Variants in RASGRF2 observed in about 807,000 individuals in gnomAD.
RASGRF2 encodes the protein ras-specific guanine nucleotide-releasing factor 2.
Under a neutral mutation model 151.0 loss-of-function variants are expected in RASGRF2, and 76 were observed. The observed-to-expected ratio is 0.50, with a 90% CI of 0.42 to 0.61. The LOEUF (loss-of-function observed/expected upper bound fraction) is 0.61, where lower values mean the gene tolerates loss of function less well. Among genes scored for constraint, RASGRF2 ranks in the 20% least tolerant of loss-of-function variants. The probability of loss-of-function intolerance (pLI) is 0.00; values close to 1 mark genes in which losing one functional copy is unlikely to be tolerated. For synonymous variants in RASGRF2, 504 were observed against 566.5 expected, an observed-to-expected ratio of 0.89 and a Z score of 1.57; for missense variants, 1,148 against 1,564.6, an observed-to-expected ratio of 0.73 and a Z score of 4.49.
intron 13 of RASGRF2, among the ~76,000 whole-genome samples, chr5:81,109,500 A>G (rs1293715487): frequency 1.3e-5 from 2 of 152,150 alleles, no homozygotes; most frequent in Non-Finnish European, 2.9e-5. Context: ...CCCCATCTCT[A>G]CTAAAAATAC....
chr5:81,208,330 TTG>T (rs1404572098), intron 21 of RASGRF2, 22 bp from the exon 22 acceptor site: 2 of 1,600,938 alleles, frequency 1.2e-6, no homozygotes, highest in South Asian at 1.1e-5. Flanking sequence ...TTAATTGGTT[TTG>T]TGTTTTGTTT....
intron 2 of RASGRF2, among the ~76,000 whole-genome samples, chr5:81,060,246 C>G (rs1751385381): frequency 6.6e-6 from 1 of 151,910 alleles, no homozygotes; most frequent in South Asian, 2.1e-4. Flanking sequence ...CTAAACCATA[C>G]CATTCCCCTT....
chr5:80,998,340 A>G (rs1748964392), intron 1 of RASGRF2, among the ~76,000 whole-genome samples: 1 of 151,854 alleles, frequency 6.6e-6, no homozygotes, highest in African/African-American at 2.4e-5. Flanking sequence ...TCTTCCTCCC[A>G]CCTTTACTGT....
At chr5:81,140,222 C>A (rs1753851281) in intron 17 of RASGRF2, among the ~76,000 whole-genome samples, 1 of 152,190 alleles carries the variant, frequency 6.6e-6, no homozygotes, top group Admixed American at 6.5e-5. Context: ...AAGGATACTT[C>A]TTTTCATCTA....
chr5:81,218,489 T>C (rs1483207364), intron 25 of RASGRF2, among the ~76,000 whole-genome samples: 1 of 152,216 alleles, frequency 6.6e-6, no homozygotes, highest in Non-Finnish European at 1.5e-5. Flanking sequence ...GTTTCTTTTG[T>C]TGAAGATTAG....
intron 17 of RASGRF2, among the ~76,000 whole-genome samples, chr5:81,163,835 C>T (rs566776363): frequency 2.0e-5 from 3 of 152,240 alleles, no homozygotes; most frequent in South Asian, 2.1e-4. Flanking sequence ...TTAGAAACCA[C>T]GACTGATGTG....
At position 81,145,101 on chromosome 5, in the gene RASGRF2, G is replaced by C. The variant is rs562521773; in HGVS notation, c.2686+17938G>C. ...CTACTAAAAATAGAAAATTAGCTGG[G>C]TGTGGTGGCATACATCTGTAATCCC... On this transcript the variant is annotated intron_variant, in intron 17 of 26. Transcript: ENST00000265080. 1.0e-3 allele frequency among the ~76,000 whole-genome samples: 157 copies of C among 152,234 alleles called. 1 individual carries two copies. Among genetic ancestry groups the C allele is most frequent in the African/African-American group, 3.7e-3 (152 of 41,546 alleles).
At chr5:81,111,496 A>G (rs976745298) in intron 13 of RASGRF2, among the ~76,000 whole-genome samples, 1 of 152,218 alleles carries the variant, frequency 6.6e-6, no homozygotes, top group African/African-American at 2.4e-5. Flanking sequence ...TTTTAAGTGA[A>G]GACATTTTTA....
chr5:81,076,817 G>A (rs1751953128), intron 5 of RASGRF2, among the ~76,000 whole-genome samples: 1 of 152,204 alleles, frequency 6.6e-6, no homozygotes, highest in African/African-American at 2.4e-5. Context: ...TATTAATGCT[G>A]GGAAGCACTG....
chr5:80,994,132 A>G (rs577738043), intron 1 of RASGRF2, among the ~76,000 whole-genome samples: 20 of 152,160 alleles, frequency 1.3e-4, no homozygotes, highest in South Asian at 4.2e-4. Context: ...CTGGGAGGCC[A>G]GGGCGGGCGG....
chr5:81,029,213 C>T (rs1377262821), intron 1 of RASGRF2, among the ~76,000 whole-genome samples: 2 of 152,186 alleles, frequency 1.3e-5, no homozygotes, highest in African/African-American at 2.4e-5. Flanking sequence ...GTAGACTCCA[C>T]CTCTGAGGGC....
Position 81,212,348 on chromosome 5 carries a change from G to A in RASGRF2, c.3157-18G>A. 1.3e-6 allele frequency: 2 copies of A among 1,571,614 alleles called. No individual in the cohort carries two copies. The highest frequency in any genetic ancestry group is 8.7e-7 in the Non-Finnish European group (1 of 1,153,730). On this transcript the variant is annotated intron_variant, in intron 22 of 26. Transcript: ENST00000265080. ...TGGGGCTCTTAGACTGCCTTTCGGG[G>A]CTTTTTGATTGTCTCAGATGAGTAA...
rs139765829 is a variant in RASGRF2 at position 81,144,901 on chromosome 5, C to T, written c.2686+17738C>T. Among the ~76,000 whole-genome samples, 239 of 152,158 alleles carry T rather than the reference C, an allele frequency of 1.6e-3. 1 individual carries two copies. Among genetic ancestry groups the T allele is most frequent in the Middle Eastern group, 6.8e-3 (2 of 294 alleles). On this transcript the variant is annotated intron_variant, in intron 17 of 26. Coordinates refer to ENST00000265080, the MANE Select transcript of RASGRF2 (RefSeq NM_006909.3). ...CCACCCTACTCTGCTTGAATTTCAT[C>T]AGTACTTTATTGCCTTGGCCCAATG...
chr5:81,056,396 A>T (rs1751212826), intron 2 of RASGRF2, among the ~76,000 whole-genome samples: 1 of 152,190 alleles, frequency 6.6e-6, no homozygotes, highest in Non-Finnish European at 1.5e-5. Flanking sequence ...CCCAGTAGTC[A>T]TTCAGGAGCA....
intron 4 of RASGRF2, 140 bp from the exon 5 acceptor site, chr5:81,073,059 C>T: frequency 9.4e-7 from 1 of 1,063,412 alleles, no homozygotes; most frequent in Non-Finnish European, 1.3e-6. Context: ...TTTTTCACAT[C>T]ATCCCTAGGG....
At chr5:81,129,138 A>G (rs1753549372) in intron 17 of RASGRF2, among the ~76,000 whole-genome samples, 1 of 152,210 alleles carries the variant, frequency 6.6e-6, no homozygotes, top group Non-Finnish European at 1.5e-5. Context: ...AAAAGTAAAT[A>G]AGTAAATAAA....
chr5:81,223,036 C>G (rs923301376), intron 26 of RASGRF2, among the ~76,000 whole-genome samples: 1 of 152,118 alleles, frequency 6.6e-6, no homozygotes, highest in Non-Finnish European at 1.5e-5. Context: ...TCTGTAATGA[C>G]TAGGATTAAG....
chr5:81,099,066 T>A (rs912658326), intron 12 of RASGRF2, among the ~76,000 whole-genome samples: 1 of 152,190 alleles, frequency 6.6e-6, no homozygotes, highest in Non-Finnish European at 1.5e-5. Context: ...GCAGATTCCT[T>A]AACCCACATT....
At chr5:81,043,729 G>A (rs1750749658) in intron 2 of RASGRF2, among the ~76,000 whole-genome samples, 2 of 152,182 alleles carry the variant, frequency 1.3e-5, no homozygotes, top group East Asian at 1.9e-4. Flanking sequence ...ACTACTCCCT[G>A]CTCTCTTGTC....
Sources: gnomAD v4.1 joint callset for allele counts (sites outside exome capture counted in the v4.1 genomes callset) on GRCh38, gnomAD v4.1.1 for gene constraint, MANE v1.5 for transcripts, NCBI Gene and HGNC (gene_info 2026-07-23, HGNC 2026-07-21) for gene names.